MNS1: variants seen among roughly 807,000 people sequenced by gnomAD.
MNS1 encodes meiosis specific nuclear structural 1, also known as meiosis-specific nuclear structural protein 1.
Under a neutral mutation model 72.0 loss-of-function variants are expected in MNS1, and 63 were observed. That is an observed-to-expected ratio of 0.87 (90% CI 0.71 to 1.08). MNS1 has a LOEUF of 1.08. Ranked by LOEUF, MNS1 falls within the 50% of genes least tolerant of loss-of-function variation. The probability of loss-of-function intolerance (pLI) is 0.00; values close to 1 mark genes in which losing one functional copy is unlikely to be tolerated. For missense variants in MNS1, 604 were observed against 562.4 expected (o/e 1.07, Z -0.75); for synonymous variants, 188 against 172.1 (o/e 1.09, Z -0.72).
rs530959543 is a variant in MNS1 at position 56,435,595 on chromosome 15, A to G, written c.1012-1200T>C. ...AGATGAAATGGATCACTTCCTTGAG[A>G]AACACAAGCTACCAAAACTCACCAA... On this transcript the variant is annotated intron_variant, in intron 7 of 9. Transcript: ENST00000260453. Among the ~76,000 whole-genome samples, 8 of 152,200 alleles carry G rather than the reference A, an allele frequency of 5.3e-5. No homozygotes were observed. In the South Asian group the frequency reaches 8.3e-4, roughly 16 times the overall value.
intron 8 of MNS1, among the ~76,000 whole-genome samples, chr15:56,432,637 T>A (rs1366368329): frequency 2.0e-5 from 3 of 152,196 alleles, no homozygotes; most frequent in Non-Finnish European, 4.4e-5. Flanking sequence ...ATGCATTAGG[T>A]GGCTTTATCT....
intron 7 of MNS1, 137 bp from the exon 8 acceptor site, chr15:56,434,532 T>C: frequency 4.2e-6 from 4 of 947,252 alleles, no homozygotes; most frequent in Non-Finnish European, 6.1e-6. Context: ...CTTTTCATGA[T>C]AACTTTGTCC....
chr15:56,436,182 C>T (rs368848740), intron 7 of MNS1, among the ~76,000 whole-genome samples: 1 of 152,104 alleles, frequency 6.6e-6, no homozygotes, highest in East Asian at 1.9e-4. Context: ...CGCACTTATT[C>T]CAAAGTTGAC....
Position 56,456,389 on chromosome 15 carries a change from G to T in MNS1, c.353+5C>A, listed in dbSNP as rs370525834. 19 of 1,599,956 alleles carry T rather than the reference G, an allele frequency of 1.2e-5. No homozygotes were observed. Among genetic ancestry groups the T allele is most frequent in the Non-Finnish European group, 1.5e-5 (18 of 1,176,500 alleles). On this transcript the variant is annotated splice_donor_5th_base_variant and intron_variant, in intron 3 of 9. Coordinates refer to ENST00000260453, the MANE Select transcript of MNS1 (RefSeq NM_018365.4). ...AATAAATGAAATTTAGAGAAACCAA[G>T]ATACCTGTTTTCTCTTACTTGTTGC...
chr15:56,444,062 A>G (rs549753950), intron 5 of MNS1, among the ~76,000 whole-genome samples: 1 of 152,168 alleles, frequency 6.6e-6, no homozygotes, highest in African/African-American at 2.4e-5. Flanking sequence ...CCTCTAACCT[A>G]TTAATGAAGT....
intron 8 of MNS1, 149 bp downstream of exon 8, chr15:56,433,989 C>G (rs1325454591): frequency 1.2e-6 from 1 of 834,352 alleles, no homozygotes; most frequent in South Asian, 3.1e-5. Context: ...TTTCTAGAAG[C>G]AAAAATGGTC....
chr15:56,440,476 G>A (rs1193621262), intron 7 of MNS1, among the ~76,000 whole-genome samples: 1 of 152,148 alleles, frequency 6.6e-6, no homozygotes, highest in Non-Finnish European at 1.5e-5. Context: ...ATTTATTGCA[G>A]AGAAATGAAA....
Position 56,428,880 on chromosome 15 carries a change from TGTTGTAGA to T in MNS1, c.*213_*220del, listed in dbSNP as rs1424370200. 1 of 490,730 alleles carries T rather than the reference TGTTGTAGA, an allele frequency of 2.0e-6. No individual in the cohort carries two copies. Among genetic ancestry groups the T allele is most frequent in the African/African-American group, 2.0e-5 (1 of 49,604 alleles). 30.4% of individuals were successfully genotyped at this position (490,730 alleles called of 1,614,324 possible). On this transcript the variant is annotated 3_prime_UTR_variant, in exon 10 of 10. Transcript: ENST00000260453. The stretch of plus-strand genomic sequence containing the variant: ...TGGGGATGCAAACAGTGCTCTGTAG[TGTTGTAGA>T]AATCGGATTTTGAAATTATCAGTAC...
chr15:56,447,427 A>G (rs1405163631), intron 3 of MNS1: 1 of 152,362 alleles, frequency 6.6e-6, no homozygotes. Flanking sequence ...TTCAATAAAC[A>G]TAGTATATCC....
rs545434543 is a variant in MNS1, at chr15:56,460,443, G to A, written c.225+3583C>T. 2.6e-5 allele frequency among the ~76,000 whole-genome samples: 4 copies of A among 152,164 alleles called. No individual in the cohort carries two copies. The South Asian group carries it at 8.3e-4, about 32-fold the overall frequency. On this transcript the variant is annotated intron_variant, in intron 2 of 9. Coordinates refer to ENST00000260453, the MANE Select transcript of MNS1 (RefSeq NM_018365.4). Reference sequence around the variant, plus strand: ...TACATGACAACTAAATGCAATCTATGGTCCTCAAGTAGCAAAAACACATTA... The same window carrying A: ...TACATGACAACTAAATGCAATCTATAGTCCTCAAGTAGCAAAAACACATTA...
At position 56,429,105 on chromosome 15, in the gene MNS1, T is replaced by G. The variant is rs1277912164; in HGVS notation, c.1484A>C (p.Lys495Thr). The change falls in exon 10 of 10, where the codon AAA becomes ACA. Residue 495 changes from lysine to threonine, a missense_variant. Lys to Thr is a moderately conservative substitution (Grantham distance 78). Transcript: ENST00000260453. ...CTTTACCCAATTTTGATGATATCAT[T>G]TCTCTTCACAAATTTCACTCCTTTG... ...YQQRSEICEE[K>T] 1 of 1,582,018 alleles carries G rather than the reference T, an allele frequency of 6.3e-7. No homozygotes were observed. Among genetic ancestry groups the G allele is most frequent in the African/African-American group, 1.4e-5 (1 of 73,320 alleles).
At chr15:56,433,462 T>C (rs1285700396) in intron 8 of MNS1, among the ~76,000 whole-genome samples, 1 of 152,112 alleles carries the variant, frequency 6.6e-6, no homozygotes, top group Non-Finnish European at 1.5e-5. Flanking sequence ...GACAGTATTA[T>C]TTATTAGGGG....
At chr15:56,441,165 T>C (rs1207300205) in intron 7 of MNS1, among the ~76,000 whole-genome samples, 2 of 152,190 alleles carry the variant, frequency 1.3e-5, no homozygotes, top group Non-Finnish European at 2.9e-5. Context: ...TAGAAATATA[T>C]TGTTTAATTA....
intron 7 of MNS1, among the ~76,000 whole-genome samples, chr15:56,435,487 G>C (rs529130385): frequency 1.3e-5 from 2 of 151,838 alleles, no homozygotes; most frequent in African/African-American, 4.8e-5. Context: ...TAAAACATAG[G>C]ATATCACTAG....
At chr15:56,446,551 A>G (rs1484537512) in intron 4 of MNS1, among the ~76,000 whole-genome samples, 1 of 152,034 alleles carries the variant, frequency 6.6e-6, no homozygotes, top group Non-Finnish European at 1.5e-5. Flanking sequence ...CATGGTAACA[A>G]TTTGTACTGT....
chr15:56,428,973 T>G lies in MNS1; in HGVS notation c.*128A>C, dbSNP rs2050465048. 1 of 567,962 alleles carries G rather than the reference T, an allele frequency of 1.8e-6. No homozygotes were observed. Among genetic ancestry groups the G allele is most frequent in the South Asian group, 2.5e-5 (1 of 40,200 alleles). 35.2% of individuals were successfully genotyped at this position (567,962 alleles called of 1,614,324 possible). A position where few individuals can be genotyped will look rare whatever the true frequency, so the allele number is the denominator to read the frequency against. ...TGATAATTGTTTACAAGTTATGAAA[T>G]TCAGTGATGATTTACAAAATCCAAA... On this transcript the variant is annotated 3_prime_UTR_variant, in exon 10 of 10. Transcript: ENST00000260453.
intron 7 of MNS1, among the ~76,000 whole-genome samples, chr15:56,435,444 A>G (rs1361219225): frequency 6.6e-6 from 1 of 151,862 alleles, no homozygotes; most frequent in Admixed American, 6.6e-5. Context: ...GAAAAAAAAA[A>G]TGAATGAATA....
chr15:56,429,465 C>G (rs1406175726), intron 9 of MNS1: 1 of 310,530 alleles, frequency 3.2e-6, no homozygotes, highest in Non-Finnish European at 5.8e-6. Context: ...AGTTCTACTG[C>G]TTGGATTACC....
chr15:56,456,091 T>C (rs2050979885), intron 3 of MNS1, among the ~76,000 whole-genome samples: 1 of 152,160 alleles, frequency 6.6e-6, no homozygotes. Flanking sequence ...AACTAGTTAT[T>C]ACCTAAGGTT....
Sources: allele counts gnomAD v4.1 joint callset (sites outside exome capture counted in the v4.1 genomes callset), GRCh38; gene constraint gnomAD v4.1.1; transcripts MANE v1.5; gene names NCBI Gene and HGNC (gene_info 2026-07-23, HGNC 2026-07-21).